The following ADARB2 variants were observed in gnomAD, a reference collection of about 807,000 sequenced individuals.
ADARB2 encodes adenosine deaminase RNA specific B2 (inactive).
ADARB2 carries 25 observed loss-of-function variants against 62.2 expected under a neutral mutation model. The observed-to-expected ratio is 0.40, with a 90% CI of 0.29 to 0.56. The LOEUF (loss-of-function observed/expected upper bound fraction) is 0.56, where lower values mean the gene tolerates loss of function less well. ADARB2 is among the 20% of genes least tolerant of loss of function. ADARB2 has a pLI of 0.43. For synonymous variants in ADARB2, 572 were observed against 500.8 expected (o/e 1.14, Z -1.90); for missense variants, 1,071 against 1,077.4 (o/e 0.99, Z 0.08).
intron 3 of ADARB2, among the ~76,000 whole-genome samples, chr10:1,330,817 A>G (rs777892668): frequency 6.6e-6 from 1 of 152,262 alleles, no homozygotes; most frequent in African/African-American, 2.4e-5. Context: ...AAGACAACCC[A>G]CAGAATGGGA....
intron 1 of ADARB2, among the ~76,000 whole-genome samples, chr10:1,721,770 T>C (rs1329139878): frequency 6.6e-6 from 1 of 152,160 alleles, no homozygotes; most frequent in African/African-American, 2.4e-5. Context: ...CATTTGTGCT[T>C]TCATCTACCC....
At chr10:1,680,417 C>A (rs1054386211) in intron 1 of ADARB2, among the ~76,000 whole-genome samples, 2 of 152,086 alleles carry the variant, frequency 1.3e-5, no homozygotes, top group African/African-American at 4.8e-5. Context: ...ATACAGGGGG[C>A]AGTACAGTGT....
At chr10:1,216,431 CCT>C (rs988361598) in intron 7 of ADARB2, 3 of 159,628 alleles carry the variant, frequency 1.9e-5, no homozygotes, top group African/African-American at 7.2e-5. Flanking sequence ...TCAGCCGAGG[CCT>C]CTCATCCCGA....
At chr10:1,190,407 C>T (rs556065455) in intron 8 of ADARB2, among the ~76,000 whole-genome samples, 4 of 152,340 alleles carry the variant, frequency 2.6e-5, no homozygotes, top group African/African-American at 9.6e-5. Flanking sequence ...AACACAGGAA[C>T]GATACTGTGT....
chr10:1,430,088 T>C (rs1205291062), intron 1 of ADARB2, among the ~76,000 whole-genome samples: 1 of 152,118 alleles, frequency 6.6e-6, no homozygotes, highest in Non-Finnish European at 1.5e-5. Context: ...CTTACGACAA[T>C]TGGATTTAGA....
intron 1 of ADARB2, among the ~76,000 whole-genome samples, chr10:1,736,717 T>C (rs939850023): frequency 3.3e-5 from 5 of 151,926 alleles, no homozygotes; most frequent in Admixed American, 1.3e-4. Context: ...CTCCGGAGGG[T>C]GGAAGGCAGT....
chr10:1,502,961 G>T (rs1403095495), intron 1 of ADARB2, among the ~76,000 whole-genome samples: 3 of 151,834 alleles, frequency 2.0e-5, no homozygotes, highest in African/African-American at 7.3e-5. Flanking sequence ...CTTATTTTTT[G>T]CGGCAATCTA....
At chr10:1,297,036 A>G (rs966700460) in intron 3 of ADARB2, among the ~76,000 whole-genome samples, 2 of 152,196 alleles carry the variant, frequency 1.3e-5, no homozygotes, top group African/African-American at 4.8e-5. Flanking sequence ...ATACCTATCT[A>G]AACACAAACA....
chr10:1,652,476 T>C (rs762309052), intron 1 of ADARB2, among the ~76,000 whole-genome samples: 6 of 152,144 alleles, frequency 3.9e-5, no homozygotes, highest in Non-Finnish European at 5.9e-5. Flanking sequence ...TTGGATTCTG[T>C]CCTCCTACCA....
intron 3 of ADARB2, among the ~76,000 whole-genome samples, chr10:1,302,516 G>A (rs1831584264): frequency 6.6e-6 from 1 of 152,194 alleles, no homozygotes; most frequent in Non-Finnish European, 1.5e-5. Flanking sequence ...CGAACTGGGT[G>A]GAGCCCACCA....
At chr10:1,553,336 C>G (rs1588299786) in intron 1 of ADARB2, among the ~76,000 whole-genome samples, 2 of 152,188 alleles carry the variant, frequency 1.3e-5, no homozygotes, top group South Asian at 4.1e-4. Flanking sequence ...CAAGTTCAAA[C>G]TCTTCTGGCA....
intron 3 of ADARB2, among the ~76,000 whole-genome samples, chr10:1,289,853 G>A (rs567772850): frequency 5.9e-5 from 9 of 152,340 alleles, no homozygotes; most frequent in East Asian, 1.9e-4. Flanking sequence ...GTAGGCGTTC[G>A]CCAAACAATA....
At chr10:1,293,998 G>C (rs1197481600) in intron 3 of ADARB2, among the ~76,000 whole-genome samples, 1 of 151,988 alleles carries the variant, frequency 6.6e-6, no homozygotes, top group African/African-American at 2.4e-5. Flanking sequence ...GGGAGCTGTT[G>C]GTCATCTGGA....
At chr10:1,513,689 G>A (rs1831967188) in intron 1 of ADARB2, among the ~76,000 whole-genome samples, 1 of 152,238 alleles carries the variant, frequency 6.6e-6, no homozygotes, top group South Asian at 2.1e-4. Flanking sequence ...GAAGCTCAGC[G>A]CCTGTGTGGA....
intron 1 of ADARB2, among the ~76,000 whole-genome samples, chr10:1,683,644 C>T (rs1000292331): frequency 3.9e-5 from 6 of 152,094 alleles, no homozygotes; most frequent in Admixed American, 6.5e-5. Context: ...TAACTGTCGC[C>T]GAGTCAGAGC....
In ADARB2 at chr10:1,266,568, C is replaced by T. The variant is rs186365881; in HGVS notation, c.1192+4387G>A. 7.9e-5 allele frequency among the ~76,000 whole-genome samples: 12 copies of T among 152,280 alleles called. 1 individual carries two copies. The East Asian group carries it at 2.3e-3, about 29-fold the overall frequency. On this transcript the variant is annotated intron_variant, in intron 4 of 9. Coordinates refer to ENST00000381312, the MANE Select transcript of ADARB2 (RefSeq NM_018702.4). ...AGACCTGAGCTGATGGAAATGGGCC[C>T]TGGGCCGCCTTCCCATCTGGGCGGG...
chr10:1,398,531 C>T lies in ADARB2; in HGVS notation c.101-19371G>A, dbSNP rs1442466727. 2.0e-5 allele frequency among the ~76,000 whole-genome samples: 3 copies of T among 152,222 alleles called. No homozygotes were observed. Among genetic ancestry groups the T allele is most frequent in the Non-Finnish European group, 4.4e-5 (3 of 68,048 alleles). On this transcript the variant is annotated intron_variant, in intron 1 of 9. Coordinates refer to ENST00000381312, the MANE Select transcript of ADARB2 (RefSeq NM_018702.4). The surrounding 1 kb of genome is among the most constrained non-coding windows in gnomAD (Gnocchi z 4.1). ...TCTCCAGGAGCCCCTAACCCCAGTT[C>T]CAGATAAACCTTCTGTTTTTCCTAA...
At chr10:1,563,821 C>T (rs1832821622) in intron 1 of ADARB2, among the ~76,000 whole-genome samples, 1 of 140,502 alleles carries the variant, frequency 7.1e-6, no homozygotes, top group Non-Finnish European at 1.5e-5. Context: ...TGATGTTCCC[C>T]TTCCTGTGTC....
At chr10:1,275,726 A>G (rs1025447268) in intron 3 of ADARB2, among the ~76,000 whole-genome samples, 4 of 133,890 alleles carry the variant, frequency 3.0e-5, no homozygotes, top group Non-Finnish European at 6.0e-5. Context: ...CTCATTGTTC[A>G]GTTCCCACCT....
Sources: gnomAD v4.1 joint callset for allele counts (sites outside exome capture counted in the v4.1 genomes callset) on GRCh38, gnomAD v4.1.1 for gene constraint, Gnocchi (gnomAD v3.1) non-coding constraint, MANE v1.5 for transcripts, NCBI Gene and HGNC (gene_info 2026-07-23, HGNC 2026-07-21) for gene names.